Variants in ADAMTS17 observed in about 807,000 individuals in gnomAD.
ADAMTS17 encodes A disintegrin and metalloproteinase with thrombospondin motifs 17.
ADAMTS17 carries 113 observed loss-of-function variants against 141.5 expected under a neutral mutation model. The ratio of observed to expected loss-of-function variants is 0.80; its 90% CI spans 0.69 to 0.93. The LOEUF is 0.93. ADAMTS17 is among the 40% of genes least tolerant of loss of function. The pLI, the probability that ADAMTS17 is intolerant of heterozygous loss-of-function variation, is 0.00. For synonymous variants in ADAMTS17, 768 were observed against 630.6 expected (o/e 1.22, Z -3.27); for missense variants, 1,659 against 1,517.9 (o/e 1.09, Z -1.54).
intron 8 of ADAMTS17, among the ~76,000 whole-genome samples, chr15:100,182,490 G>A (rs757313435): frequency 2.0e-5 from 3 of 152,132 alleles, no homozygotes; most frequent in East Asian, 1.9e-4. Context: ...CTATCCCTCC[G>A]CCAAGCACAG....
intron 18 of ADAMTS17, among the ~76,000 whole-genome samples, chr15:100,012,911 ACT>A (rs1184879954): frequency 3.3e-5 from 5 of 151,594 alleles, no homozygotes; most frequent in Admixed American, 2.6e-4. Context: ...TTTTTTTCTA[ACT>A]CTGTGAAGAA....
intron 8 of ADAMTS17, among the ~76,000 whole-genome samples, chr15:100,195,819 T>C (rs2041095764): frequency 6.6e-6 from 1 of 152,222 alleles, no homozygotes; most frequent in African/African-American, 2.4e-5. Context: ...ACAAGTTCTC[T>C]TATTATTTAT....
chr15:100,170,177 C>A, intron 8 of ADAMTS17, among the ~76,000 whole-genome samples: 1 of 152,120 alleles, frequency 6.6e-6, no homozygotes, highest in South Asian at 2.1e-4. Context: ...ACTTTGAATT[C>A]TTTGTGACAT....
At chr15:100,049,347 A>C (rs762667782) in intron 17 of ADAMTS17, among the ~76,000 whole-genome samples, 1 of 152,170 alleles carries the variant, frequency 6.6e-6, no homozygotes, top group African/African-American at 2.4e-5. Context: ...AAGTCTATGG[A>C]GATCTGATCT....
At chr15:100,051,441 T>A in intron 17 of ADAMTS17, 131 bp downstream of exon 17, 1 of 1,319,692 alleles carries the variant, frequency 7.6e-7, no homozygotes, top group East Asian at 2.3e-5. Context: ...AGATTTTCGG[T>A]GGGATATGGT....
At chr15:100,053,858 C>A in intron 16 of ADAMTS17, 39 bp downstream of exon 16, 5 of 1,614,088 alleles carry the variant, frequency 3.1e-6, no homozygotes, top group Non-Finnish European at 4.2e-6. Context: ...CTCTCGGAGC[C>A]ACACCCCCTA....
intron 10 of ADAMTS17, among the ~76,000 whole-genome samples, chr15:100,147,619 A>C (rs980852421): frequency 1.3e-5 from 2 of 152,208 alleles, no homozygotes; most frequent in African/African-American, 4.8e-5. Flanking sequence ...GTTCCATCAT[A>C]ATCTCACAGG....
chr15:100,087,392 C>G (rs547526592), intron 15 of ADAMTS17, among the ~76,000 whole-genome samples: 1 of 152,130 alleles, frequency 6.6e-6, no homozygotes, highest in Admixed American at 6.6e-5. Flanking sequence ...GATTCACAGC[C>G]GAATTCTACC....
At chr15:100,043,438 T>C (rs1195072123) in intron 18 of ADAMTS17, among the ~76,000 whole-genome samples, 1 of 152,152 alleles carries the variant, frequency 6.6e-6, no homozygotes, top group Admixed American at 6.5e-5. Context: ...TTCTAACACG[T>C]CCTCCTTTGT....
At chr15:100,008,822 C>T (rs145175657) in intron 18 of ADAMTS17, among the ~76,000 whole-genome samples, 6 of 152,274 alleles carry the variant, frequency 3.9e-5, no homozygotes, top group African/African-American at 1.4e-4. Context: ...GTCACCCCTC[C>T]AGTTTGTGCC....
chr15:99,980,384 A>C (rs1012349719), intron 20 of ADAMTS17: 2 of 152,220 alleles, frequency 1.3e-5, no homozygotes, highest in African/African-American at 4.8e-5. Context: ...GGCAACACCA[A>C]CATCCCTTTT....
intron 7 of ADAMTS17, among the ~76,000 whole-genome samples, chr15:100,206,005 G>C (rs1252017120): frequency 6.6e-6 from 1 of 152,154 alleles, no homozygotes; most frequent in Non-Finnish European, 1.5e-5. Flanking sequence ...TCCTCCCTCT[G>C]GGTCACCTGT....
At chr15:100,008,923 C>T (rs1455344454) in intron 18 of ADAMTS17, among the ~76,000 whole-genome samples, 3 of 152,172 alleles carry the variant, frequency 2.0e-5, no homozygotes, top group Admixed American at 2.0e-4. Flanking sequence ...ACTGCAGCCT[C>T]GACCTCTTGG....
intron 7 of ADAMTS17, among the ~76,000 whole-genome samples, chr15:100,210,945 C>CA (rs1166783165): frequency 6.6e-6 from 1 of 151,842 alleles, no homozygotes; most frequent in Non-Finnish European, 1.5e-5. Context: ...ACTAAAAATA[C>CA]AAAAAATTAG....
Position 99,971,867 on chromosome 15 carries a change from G to C in ADAMTS17, c.*2535C>G, listed in dbSNP as rs188195772. 1.3e-5 allele frequency: 2 copies of C among 152,372 alleles called. No individual in the cohort carries two copies. Among genetic ancestry groups the C allele is most frequent in the African/African-American group, 4.8e-5 (2 of 41,582 alleles). The allele number at this position is 152,372 out of a possible 1,614,324, so 9.4% of individuals were successfully genotyped here. A position where few individuals can be genotyped will look rare whatever the true frequency, so the allele number is the denominator to read the frequency against. On this transcript the variant is annotated 3_prime_UTR_variant, in exon 22 of 22. Transcript: ENST00000268070. ...ATTAACACAGAAACATCACTGCTGTGATCAGCATCTAGTGGAACAAGAATG... is the reference window on the plus strand; with the variant it reads ...ATTAACACAGAAACATCACTGCTGTCATCAGCATCTAGTGGAACAAGAATG...
chr15:100,337,459 C>A (rs541295480), intron 2 of ADAMTS17, among the ~76,000 whole-genome samples: 135 of 152,342 alleles, frequency 8.9e-4, no homozygotes, highest in Non-Finnish European at 1.6e-3. Flanking sequence ...GACCTTCTCA[C>A]AGTCCTTCAA....
rs1432873409 is a variant in ADAMTS17 at position 100,086,787 on chromosome 15, A to C, written c.2137+9569T>G. On this transcript the variant is annotated intron_variant, in intron 15 of 21. Coordinates refer to ENST00000268070, the MANE Select transcript of ADAMTS17 (RefSeq NM_139057.4). The stretch of plus-strand genomic sequence containing the variant: ...AGGCAGAAATAAAGAGGTTCTTTGA[A>C]ACCAATGAGAACAAAGACACAACAT... 2.0e-5 allele frequency among the ~76,000 whole-genome samples: 3 copies of C among 149,496 alleles called. No individual in the cohort carries two copies. The Admixed American group carries it at 2.0e-4, about 10-fold the overall frequency.
rs557798678 is a variant in ADAMTS17, at chr15:100,285,395, A to C, written c.617-3994T>G. Among the ~76,000 whole-genome samples, 3 of 152,334 alleles carry C rather than the reference A, an allele frequency of 2.0e-5. No homozygotes were observed. In the South Asian group the frequency reaches 6.2e-4, roughly 32 times the overall value. On this transcript the variant is annotated intron_variant, in intron 3 of 21. Transcript: ENST00000268070. ...AAAAAATAAAAACAACAACTATCTC[A>C]ACTGTGAATTATCAAAGCTCTGTAT...
At chr15:100,301,359 C>T (rs59021560) in intron 3 of ADAMTS17, among the ~76,000 whole-genome samples, 1 of 150,742 alleles carries the variant, frequency 6.6e-6, no homozygotes, top group Admixed American at 6.6e-5. Flanking sequence ...GACGGAGTCT[C>T]TGTTGCCCAG....
Sources: allele counts gnomAD v4.1 joint callset (sites outside exome capture counted in the v4.1 genomes callset), GRCh38; gene constraint gnomAD v4.1.1; transcripts MANE v1.5; gene names NCBI Gene and HGNC (gene_info 2026-07-23, HGNC 2026-07-21).